The following LRRIQ1 variants were observed in gnomAD, a reference collection of about 807,000 sequenced individuals.
LRRIQ1 encodes the protein leucine-rich repeat- and IQ domain-containing protein 1.
In LRRIQ1, 210 loss-of-function variants were observed where a neutral mutation model predicts 211.9. The observed-to-expected ratio is 0.99, with a 90% CI of 0.89 to 1.11. The LOEUF is 1.11. Among genes scored for constraint, LRRIQ1 ranks in the 50% most tolerant of loss-of-function variants. The probability of loss-of-function intolerance (pLI) is 0.00; values close to 1 mark genes in which losing one functional copy is unlikely to be tolerated. For missense variants in LRRIQ1, 2,136 were observed against 1,939.5 expected (o/e 1.10, Z -1.90); for synonymous variants, 699 against 650.1 (o/e 1.08, Z -1.14).
intron 1 of LRRIQ1, among the ~76,000 whole-genome samples, chr12:85,254,398 TG>T (rs1896030305): frequency 6.6e-6 from 1 of 152,184 alleles, no homozygotes; most frequent in Non-Finnish European, 1.5e-5. Context: ...TACTTCCTAC[TG>T]GTCCCTTAGA....
intron 19 of LRRIQ1, among the ~76,000 whole-genome samples, chr12:85,146,190 C>A (rs900826134): frequency 6.6e-6 from 1 of 151,754 alleles, no homozygotes; most frequent in Non-Finnish European, 1.5e-5. Context: ...CAGAATAACC[C>A]TGGTCAGCGA....
intron 7 of LRRIQ1, among the ~76,000 whole-genome samples, chr12:85,054,249 T>C (rs2135970748): frequency 6.6e-6 from 1 of 152,240 alleles, no homozygotes; most frequent in East Asian, 1.9e-4. Flanking sequence ...GGAGGAGAGA[T>C]ACAAAGAAAA....
intron 15 of LRRIQ1, among the ~76,000 whole-genome samples, chr12:85,116,328 T>G (rs1432367974): frequency 6.6e-6 from 1 of 151,962 alleles, no homozygotes; most frequent in South Asian, 2.1e-4. Context: ...TTTTTTTTAG[T>G]AGAGACGGGG....
chr12:85,258,166 T>C (rs1224726996), intron 1 of LRRIQ1, among the ~76,000 whole-genome samples: 2 of 151,864 alleles, frequency 1.3e-5, no homozygotes, highest in Admixed American at 6.6e-5. Flanking sequence ...AAAAAATGTG[T>C]TACTCACATG....
In LRRIQ1 at chr12:85,056,677, A is replaced by C. The variant is rs1390775342; in HGVS notation, c.1884A>C (p.Val628=). ...ATTCCAAAGATGTAAGAGAAAACGT[A>C]ATATTACAAGAAAAAGAAATTTATT... ...SENSKDVREN[V]ILQEKEIYSK... The change falls in exon 8 of 27, where the codon GTA becomes GTC. Residue 628 remains valine (V), a synonymous_variant. Coordinates refer to ENST00000393217, the MANE Select transcript of LRRIQ1 (RefSeq NM_001079910.2). 2.5e-6 allele frequency: 4 copies of C among 1,604,662 alleles called. No individual in the cohort carries two copies. In the African/African-American group the frequency reaches 4.0e-5, roughly 16 times the overall value.
chr12:85,064,859 G>A (rs192643877), intron 8 of LRRIQ1, among the ~76,000 whole-genome samples: 211 of 151,738 alleles, frequency 1.4e-3, no homozygotes, highest in Non-Finnish European at 1.8e-3. Flanking sequence ...TTGTTTTTGC[G>A]TTCTCTGTGC....
At chr12:85,061,389 AT>A (rs896348995) in intron 8 of LRRIQ1, among the ~76,000 whole-genome samples, 3 of 151,750 alleles carry the variant, frequency 2.0e-5, no homozygotes, top group South Asian at 2.1e-4. Context: ...TACTATAAAG[AT>A]TTTTTTTAAA....
At chr12:85,041,861 T>C (rs1878929675) in intron 3 of LRRIQ1, among the ~76,000 whole-genome samples, 1 of 151,768 alleles carries the variant, frequency 6.6e-6, no homozygotes, top group African/African-American at 2.4e-5. Flanking sequence ...CATGAAGAAA[T>C]ATGGTCATAT....
chr12:85,159,161 A>G (rs1890722634), intron 23 of LRRIQ1, among the ~76,000 whole-genome samples: 1 of 151,998 alleles, frequency 6.6e-6, no homozygotes, highest in African/African-American at 2.4e-5. Flanking sequence ...TATTTTGTAC[A>G]TATTAAATTA....
downstream of LRRIQ1, among the ~76,000 whole-genome samples, chr12:85,268,722 T>C (rs1421083439): frequency 6.6e-6 from 1 of 151,968 alleles, no homozygotes; most frequent in East Asian, 1.9e-4. Context: ...GTTGTCTTTC[T>C]AGGGAGACAA....
intron 24 of LRRIQ1, among the ~76,000 whole-genome samples, chr12:85,198,273 C>T (rs1017952985): frequency 3.4e-5 from 5 of 148,024 alleles, no homozygotes; most frequent in East Asian, 2.0e-4. Flanking sequence ...AATGAACATA[C>T]GTGTCCATGT....
chr12:85,138,091 A>G, intron 19 of LRRIQ1, 122 bp downstream of exon 19: 2 of 594,954 alleles, frequency 3.4e-6, no homozygotes, highest in Non-Finnish European at 5.5e-6. Flanking sequence ...TTTTCCTAAC[A>G]TTGAGAAACT....
Position 85,066,781 on chromosome 12 carries a change from T to C in LRRIQ1, c.2578T>C (p.Leu860=). ...NHIEAIECEN[L]ENLCVVLLNK... is the part of the protein sequence containing the mutation. ...TATTGAGGCTATTGAGTGTGAAAAT[T>C]TGGAAAATCTCTGTGTTGTTCTTCT... is the stretch of plus-strand genomic sequence containing the variant. Residue 860 remains leucine (L), a synonymous_variant, in exon 10 of 27, where the codon TTG becomes CTG. Coordinates refer to ENST00000393217, the MANE Select transcript of LRRIQ1 (RefSeq NM_001079910.2). 6.3e-7 allele frequency: 1 copy of C among 1,596,908 alleles called. No homozygotes were observed. Among genetic ancestry groups the C allele is most frequent in the Non-Finnish European group, 8.5e-7 (1 of 1,173,106 alleles).
At chr12:85,040,130 T>A (rs552048258) in intron 2 of LRRIQ1, among the ~76,000 whole-genome samples, 395 of 151,684 alleles carry the variant, frequency 2.6e-3, no homozygotes, top group African/African-American at 9.0e-3. Context: ...GAAAAAATAA[T>A]CTTGCAGTTT....
At chr12:85,079,059 G>A (rs1450828737) in intron 11 of LRRIQ1, among the ~76,000 whole-genome samples, 5 of 151,938 alleles carry the variant, frequency 3.3e-5, no homozygotes, top group Admixed American at 2.0e-4. Flanking sequence ...AATATCACAA[G>A]TCATGTAGCC....
intron 24 of LRRIQ1, among the ~76,000 whole-genome samples, chr12:85,184,189 G>A (rs1892121225): frequency 1.3e-5 from 2 of 151,978 alleles, no homozygotes; most frequent in South Asian, 4.1e-4. Context: ...TTAAAGTGGA[G>A]TATCTTAAAT....
At chr12:85,095,904 A>T (rs1224925322) in intron 11 of LRRIQ1, among the ~76,000 whole-genome samples, 1 of 152,078 alleles carries the variant, frequency 6.6e-6, no homozygotes, top group East Asian at 1.9e-4. Flanking sequence ...CCAAGAATTT[A>T]TCTACTTCCT....
chr12:85,153,545 T>G (rs896786201), intron 21 of LRRIQ1, 118 bp from the exon 22 acceptor site: 1 of 696,896 alleles, frequency 1.4e-6, no homozygotes, highest in Non-Finnish European at 2.4e-6. Flanking sequence ...CAAGATAATG[T>G]TTTTTGCTAA....
intron 23 of LRRIQ1, among the ~76,000 whole-genome samples, chr12:85,155,901 T>TTCAGTAAGGATTCAGTAA (rs1432494774): frequency 6.1e-4 from 92 of 151,786 alleles, no homozygotes; most frequent in Middle Eastern, 3.4e-3. Context: ...AAGGAATATA[T>TTCAGTAAGGATTCAGTAA]GCTAGTACAT....
Sources: allele counts gnomAD v4.1 joint callset (sites outside exome capture counted in the v4.1 genomes callset), GRCh38; gene constraint gnomAD v4.1.1; transcripts MANE v1.5; gene names NCBI Gene and HGNC (gene_info 2026-07-23, HGNC 2026-07-21).